The following TYMP variants were observed in gnomAD, a reference collection of about 807,000 sequenced individuals.
TYMP encodes thymidine phosphorylase, also known as gliostatin.
Under a neutral mutation model 42.3 loss-of-function variants are expected in TYMP, and 46 were observed. That is an observed-to-expected ratio of 1.09 (90% confidence interval 0.86 to 1.39). The LOEUF (loss-of-function observed/expected upper bound fraction) is 1.39, where lower values mean the gene tolerates loss of function less well. TYMP is among the 40% of genes most tolerant of loss of function. The pLI, the probability that TYMP is intolerant of heterozygous loss-of-function variation, is 0.00. For missense variants in TYMP, 837 were observed against 677.6 expected (o/e 1.24, Z -2.61); for synonymous variants, 363 against 308.0 (o/e 1.18, Z -1.87).
rs776496098 is a variant in TYMP, at chr22:50,525,781, G to C, written c.1438C>G (p.Pro480Ala). 1.3e-5 allele frequency: 21 copies of C among 1,610,886 alleles called. 1 individual carries two copies. The South Asian group carries it at 2.1e-4, about 16-fold the overall frequency. Residue 480 changes from proline (P) to alanine (A), a missense_variant, in exon 10 of 10, where the codon CCG (proline) becomes GCG (alanine). Transcript: ENST00000252029. Reference protein sequence around the residue: ...PSPFAELVLPPQQ With the variant: ...PSPFAELVLPAQQ ...GCGGCAAAGGAGCTTTATTGCTGCG[G>C]CGGCAGAACGAGCTCTGCGAAGGGC...
intron 4 of TYMP, chr22:50,528,058 C>A (rs2069461033): frequency 2.5e-6 from 1 of 403,232 alleles, no homozygotes; most frequent in East Asian, 5.8e-5. Flanking sequence ...GTTGCCCAGG[C>A]TGGAGTGCAG....
chr22:50,526,163 G>A, intron 8 of TYMP, 22 bp from the exon 9 acceptor site: 1 of 1,471,380 alleles, frequency 6.8e-7, no homozygotes, highest in South Asian at 1.3e-5. Context: ...GGGGCTGAGA[G>A]GCGCGGGCTC....
chr22:50,525,980 C>A, intron 9 of TYMP, 21 bp downstream of exon 9: 1 of 1,391,798 alleles, frequency 7.2e-7, no homozygotes, highest in South Asian at 1.6e-5. Context: ...GCGGGGCCAG[C>A]AGGGCGGGGG....
Position 50,529,936 on chromosome 22 carries a change from CG to C in TYMP, c.-44del, listed in dbSNP as rs1013549659. The C allele has an allele frequency of 1.7e-6, 1 of 591,400 alleles. No homozygotes were observed. Among genetic ancestry groups the C allele is most frequent in the African/African-American group, 1.9e-5 (1 of 53,378 alleles). 36.6% of individuals were successfully genotyped at this position (591,400 alleles called of 1,614,324 possible). A position where few individuals can be genotyped will look rare whatever the true frequency, so the allele number is the denominator to read the frequency against. On this transcript the variant is annotated 5_prime_UTR_variant, in exon 1 of 10. Transcript: ENST00000252029. ...GGGCGCTGCCCTCGCCCGCTTGCTCCGGATCCCAGCCCAGGTACCCGGCCTC... is the reference window on the plus strand; with the variant it reads ...GGGCGCTGCCCTCGCCCGCTTGCTCCGATCCCAGCCCAGGTACCCGGCCTC...
Position 50,526,283 on chromosome 22 carries a change from G to T in TYMP, c.1122C>A (p.Arg374=). 6.5e-7 allele frequency: 1 copy of T among 1,547,578 alleles called. No homozygotes were observed. The highest frequency in any genetic ancestry group is 8.6e-7 in the Non-Finnish European group (1 of 1,157,286). Residue 374 remains arginine (R), a synonymous_variant, in exon 8 of 10, where the codon CGC becomes CGA. Transcript: ENST00000252029. ...CCAGCAGCTCCTCCTGCTCCCGGGCGCGAGGCAGCAGCTGCCGGCGTTCTG... is the reference window on the plus strand; with the variant it reads ...CCAGCAGCTCCTCCTGCTCCCGGGCTCGAGGCAGCAGCTGCCGGCGTTCTG... ...SPAERRQLLP[R]AREQEELLAP...
Position 50,529,526 on chromosome 22 carries a change from C to A in TYMP, c.184G>T (p.Val62Leu). Residue 62 changes from valine (V) to leucine (L), a missense_variant, in exon 2 of 10, where the codon GTG (valine) becomes TTG (leucine). Val to Leu is a conservative substitution (Grantham distance 32). Coordinates refer to ENST00000252029, the MANE Select transcript of TYMP (RefSeq NM_001953.5). Reference protein sequence around the residue: ...ADIRGFVAAVVNGSAQGAQIG... With the variant: ...ADIRGFVAAVLNGSAQGAQIG... ...TGTGCGCCCTGCGCGCTCCCATTCA[C>A]CACAGCGGCCACGAAGCCCCTGATG... 6.2e-7 allele frequency: 1 copy of A among 1,613,046 alleles called. No homozygotes were observed. Among genetic ancestry groups the A allele is most frequent in the African/African-American group, 1.3e-5 (1 of 75,072 alleles).
At chr22:50,528,921 CCT>C in intron 3 of TYMP, 1 of 631,428 alleles carries the variant, frequency 1.6e-6, no homozygotes, top group South Asian at 1.9e-5. Flanking sequence ...GGATCTTTTT[CCT>C]GCTCCAAGGG....
At chr22:50,528,977 A>ACGGGGTGGGGAGAACTGTGCTGGGGAG (rs2069490405) in intron 3 of TYMP, 159 bp downstream of exon 3, 5 of 781,382 alleles carry the variant, frequency 6.4e-6, no homozygotes, top group Admixed American at 2.1e-5. Flanking sequence ...GTGCTGGGGA[A>ACGGGGTGGGGAGAACTGTGCTGGGGAG]CGGGGTGGGG....
chr22:50,529,408 G>A, intron 2 of TYMP, 70 bp from the exon 3 acceptor site: 1 of 1,602,442 alleles, frequency 6.2e-7, no homozygotes, highest in Non-Finnish European at 8.5e-7. Context: ...GGTGCTGGTA[G>A]TGGGGCACCG....
At position 50,527,225 on chromosome 22, in the gene TYMP, C is replaced by A. The variant is rs1372616333; in HGVS notation, c.705G>T (p.Lys235Asn). The change falls in exon 6 of 10, where the codon AAG (lysine) becomes AAT (asparagine). Residue 235 changes from lysine (K) to asparagine (N), a missense_variant. Coordinates refer to ENST00000252029, the MANE Select transcript of TYMP (RefSeq NM_001953.5). ...EGLSALVVDV[K>N]FGGAAVFPNQ... The stretch of plus-strand genomic sequence containing the variant: ...TGGGGAAGACGGCGGCCCCTCCGAA[C>A]TTAACGTCCACCACCAGAGCGGACA... 1 of 1,613,680 alleles carries A rather than the reference C, an allele frequency of 6.2e-7. No individual in the cohort carries two copies. Among genetic ancestry groups the A allele is most frequent in the Non-Finnish European group, 8.5e-7 (1 of 1,180,026 alleles).
Position 50,526,082 on chromosome 22 carries a change from C to G in TYMP, c.1219G>C (p.Gly407Arg), listed in dbSNP as rs863224254. 3 of 1,484,424 alleles carry G rather than the reference C, an allele frequency of 2.0e-6. No individual in the cohort carries two copies. The highest frequency in any genetic ancestry group is 5.7e-5 in the East Asian group (2 of 34,826). The allele number at this position is 1,484,424 out of a possible 1,614,324, so 92.0% of individuals were successfully genotyped here. A position where few individuals can be genotyped will look rare whatever the true frequency, so the allele number is the denominator to read the frequency against. The part of the protein sequence containing the change: ...LALVLHELGA[G>R]RSRAGEPLRL... ...AGCGGCTCCCCAGCGCGGCTGCGCC[C>G]GGCCCCGAGCTCGTGCAGCACCAGC... The change falls in exon 9 of 10, where the codon GGG becomes CGG. Residue 407 changes from glycine to arginine, a missense_variant. Coordinates refer to ENST00000252029, the MANE Select transcript of TYMP (RefSeq NM_001953.5).
Position 50,529,567 on chromosome 22 carries a change from C to T in TYMP, c.143G>A (p.Arg48His). Reference sequence around the variant, plus strand: ...GCCCCTGATGTCCGCTTCGCTCAGGCGGCCTCCGTCTCGCTTCATGCGGAT... The same window carrying T: ...GCCCCTGATGTCCGCTTCGCTCAGGTGGCCTCCGTCTCGCTTCATGCGGAT... ...ELIRMKRDGG[R>H]LSEADIRGFV... is the part of the protein sequence containing the mutation. Residue 48 changes from arginine to histidine, a missense_variant, in exon 2 of 10, where the codon CGC becomes CAC. Physicochemically the swap from Arg to His is conservative, Grantham distance 29. Coordinates refer to ENST00000252029, the MANE Select transcript of TYMP (RefSeq NM_001953.5). 8.1e-6 allele frequency: 13 copies of T among 1,613,144 alleles called. No individual in the cohort carries two copies. Among genetic ancestry groups the T allele is most frequent in the Non-Finnish European group, 1.1e-5 (13 of 1,179,938 alleles).
In TYMP at chr22:50,529,980, G is replaced by T; in HGVS notation, c.-87C>A. ...CCGGCCTCGCCCGCGGGTCGGGACCGTAGGGTTCAGGGTTCGCGCACAGCG... is the reference window on the plus strand; with the variant it reads ...CCGGCCTCGCCCGCGGGTCGGGACCTTAGGGTTCAGGGTTCGCGCACAGCG... On this transcript the variant is annotated 5_prime_UTR_variant, in exon 1 of 10. Coordinates refer to ENST00000252029, the MANE Select transcript of TYMP (RefSeq NM_001953.5). 1 of 550,124 alleles carries T rather than the reference G, an allele frequency of 1.8e-6. No homozygotes were observed. Among genetic ancestry groups the T allele is most frequent in the Non-Finnish European group, 3.2e-6 (1 of 307,704 alleles). 34.1% of individuals were successfully genotyped at this position (550,124 alleles called of 1,614,324 possible).
chr22:50,526,302 C>A lies in TYMP; in HGVS notation c.1103G>T (p.Arg368Leu). The change falls in exon 8 of 10, where the codon CGC becomes CTC. Residue 368 changes from arginine to leucine, a missense_variant. Physicochemically the swap from Arg to Leu is moderately radical, Grantham distance 102. Coordinates refer to ENST00000252029, the MANE Select transcript of TYMP (RefSeq NM_001953.5). ...RALCSGSPAE[R>L]RQLLPRAREQ... is the part of the protein sequence containing the mutation. Reference sequence around the variant, plus strand: ...CCGGGCGCGAGGCAGCAGCTGCCGGCGTTCTGCGGGACTTCCCGAGCACAG... The same window carrying A: ...CCGGGCGCGAGGCAGCAGCTGCCGGAGTTCTGCGGGACTTCCCGAGCACAG... The A allele has an allele frequency of 6.4e-7, 1 of 1,556,874 alleles. No homozygotes were observed. Among genetic ancestry groups the A allele is most frequent in the Non-Finnish European group, 8.6e-7 (1 of 1,161,872 alleles).
intron 2 of TYMP, 61 bp downstream of exon 2, chr22:50,529,435 C>G: frequency 6.2e-7 from 1 of 1,607,476 alleles, no homozygotes; most frequent in Non-Finnish European, 8.5e-7. Context: ...CCCCAGGGAC[C>G]CAAAGTCTCT....
intron 5 of TYMP, 119 bp downstream of exon 5, chr22:50,527,466 TGTG>T: frequency 6.6e-7 from 1 of 1,506,152 alleles, no homozygotes. Context: ...TCAGGCATCT[TGTG>T]ATGGGGGTAG....
At position 50,526,320 on chromosome 22, in the gene TYMP, G is replaced by T. The variant is rs1603441843; in HGVS notation, c.1085C>A (p.Ser362Ter). 1 of 1,562,596 alleles carries T rather than the reference G, an allele frequency of 6.4e-7. No individual in the cohort carries two copies. ...VDPGLARALC[S>*]GSPAERRQLL... ...CTGCCGGCGTTCTGCGGGACTTCCCGAGCACAGGGCTCGGGCCAGACCGGG... is the reference window on the plus strand; with the variant it reads ...CTGCCGGCGTTCTGCGGGACTTCCCTAGCACAGGGCTCGGGCCAGACCGGG... The change falls in exon 8 of 10, where the codon TCG becomes TAG. Residue 362 changes from serine (S) to a stop codon, truncating the protein, a stop_gained. Coordinates refer to ENST00000252029, the MANE Select transcript of TYMP (RefSeq NM_001953.5). LOFTEE classifies it high-confidence loss of function.
intron 5 of TYMP, 94 bp downstream of exon 5, chr22:50,527,494 A>G: frequency 2.5e-6 from 4 of 1,590,268 alleles, no homozygotes; most frequent in East Asian, 2.2e-5. Flanking sequence ...GCACACGGTC[A>G]GGTGACGGGT....
chr22:50,529,035 G>A (rs2069493104), intron 3 of TYMP, 101 bp downstream of exon 3: 3 of 1,229,814 alleles, frequency 2.4e-6, no homozygotes, highest in East Asian at 2.4e-5. Flanking sequence ...GTAGGGTCTT[G>A]GAGGCTTTGG....
Sources: gnomAD v4.1 joint callset for allele counts on GRCh38, gnomAD v4.1.1 for gene constraint, MANE v1.5 for transcripts, NCBI Gene and HGNC (gene_info 2026-07-23, HGNC 2026-07-21) for gene names.